The following SLC36A4 variants were observed in gnomAD, a reference collection of about 807,000 sequenced individuals.
The protein encoded by SLC36A4 is solute carrier family 36 member 4, also known as neutral amino acid uniporter 4.
SLC36A4 carries 49 observed loss-of-function variants against 50.5 expected under a neutral mutation model. The ratio of observed to expected loss-of-function variants is 0.97; its 90% confidence interval spans 0.77 to 1.23. The LOEUF (loss-of-function observed/expected upper bound fraction) is 1.23. SLC36A4 is among the 50% of genes most tolerant of loss of function. The pLI is 0.00. For synonymous variants in SLC36A4, 207 were observed against 206.5 expected, an observed-to-expected ratio of 1.00 and a Z score of -0.02; for missense variants, 611 against 608.4, an observed-to-expected ratio of 1.00 and a Z score of -0.05.
At chr11:93,156,581 G>C (rs1860376526) in intron 9 of SLC36A4, among the ~76,000 whole-genome samples, 1 of 151,692 alleles carries the variant, frequency 6.6e-6, no homozygotes, top group Non-Finnish European at 1.5e-5. Flanking sequence ...CACCACACCT[G>C]GCTAATTTTT....
chr11:93,173,939 T>C (rs964953428), intron 6 of SLC36A4, among the ~76,000 whole-genome samples: 30 of 143,918 alleles, frequency 2.1e-4, no homozygotes, highest in Non-Finnish European at 2.4e-4. Context: ...GGCTCTTTTT[T>C]GGTTCCATAT....
intron 9 of SLC36A4, among the ~76,000 whole-genome samples, chr11:93,158,221 C>G (rs924998861): frequency 6.6e-6 from 1 of 151,996 alleles, no homozygotes; most frequent in Non-Finnish European, 1.5e-5. Flanking sequence ...CACGTGTTTC[C>G]TATACTCTGA....
Position 93,197,869 on chromosome 11 carries a change from T to G in SLC36A4, c.-37A>C. The G allele has an allele frequency of 6.6e-7, 1 of 1,520,350 alleles. No individual in the cohort carries two copies. The highest frequency in any genetic ancestry group is 8.8e-7 in the Non-Finnish European group (1 of 1,140,440). The allele number at this position is 1,520,350 out of a possible 1,614,324, so 94.2% of individuals were successfully genotyped here. On this transcript the variant is annotated 5_prime_UTR_variant, in exon 1 of 11. Transcript: ENST00000326402. ...CTCCAGGACGCCGCCGCCCGAGTGCTCACTCTCCCGCCGCTGCGTGGCCGG... is the reference window on the plus strand; with the variant it reads ...CTCCAGGACGCCGCCGCCCGAGTGCGCACTCTCCCGCCGCTGCGTGGCCGG...
intron 8 of SLC36A4, among the ~76,000 whole-genome samples, chr11:93,165,369 C>T (rs1250832963): frequency 6.6e-6 from 1 of 152,076 alleles, no homozygotes; most frequent in East Asian, 1.9e-4. Flanking sequence ...TGGAGTCTCT[C>T]TTGGTATTAG....
intron 1 of SLC36A4, among the ~76,000 whole-genome samples, chr11:93,195,764 G>A (rs1175295065): frequency 6.6e-6 from 1 of 152,116 alleles, no homozygotes; most frequent in African/African-American, 2.4e-5. Context: ...TTTCTGCCTG[G>A]AGTAGTCGTT....
intron 1 of SLC36A4, among the ~76,000 whole-genome samples, chr11:93,190,659 T>G (rs1862178979): frequency 6.6e-6 from 1 of 152,200 alleles, no homozygotes; most frequent in East Asian, 1.9e-4. Context: ...ACATATTTAT[T>G]TACTATTTTG....
Position 93,154,234 on chromosome 11 carries a change from C to A in SLC36A4, c.1081G>T (p.Val361Leu). Residue 361 changes from valine (V) to leucine (L), a missense_variant, in exon 10 of 11, where the codon GTG (valine) becomes TTG (leucine). Coordinates refer to ENST00000326402, the MANE Select transcript of SLC36A4 (RefSeq NM_152313.4). ...ACATAGAACTGAATTGAATATGTCA[C>A]AAAAATGCCAAAGGAATATAGAATT... Reference protein sequence around the residue: ...VKILYSFGIFVTYSIQFYVPA... With the variant: ...VKILYSFGIFLTYSIQFYVPA... 1 of 1,490,940 alleles carries A rather than the reference C, an allele frequency of 6.7e-7. No individual in the cohort carries two copies. 92.4% of individuals were successfully genotyped at this position (1,490,940 alleles called of 1,614,324 possible). A position where few individuals can be genotyped will look rare whatever the true frequency, so the allele number is the denominator to read the frequency against.
chr11:93,168,172 C>G lies in SLC36A4; in HGVS notation c.541-1G>C. 1.9e-6 allele frequency: 3 copies of G among 1,581,408 alleles called. No homozygotes were observed. The highest frequency in any genetic ancestry group is 2.6e-6 in the Non-Finnish European group (3 of 1,159,658). On this transcript the variant is annotated splice_acceptor_variant, in intron 6 of 10. Coordinates refer to ENST00000326402, the MANE Select transcript of SLC36A4 (RefSeq NM_152313.4). LOFTEE classifies it high-confidence loss of function. ...TACTCTCCAGGAATCCTTCATGAAC[C>G]TACATAGGATTACCAGGAGAATAAA... is the stretch of plus-strand genomic sequence containing the variant.
At chr11:93,179,865 G>A (rs1485736243) in intron 6 of SLC36A4, among the ~76,000 whole-genome samples, 1 of 152,104 alleles carries the variant, frequency 6.6e-6, no homozygotes, top group African/African-American at 2.4e-5. Flanking sequence ...TTACAACAGA[G>A]ACCATATGGC....
chr11:93,181,136 T>C (rs1157669430), intron 5 of SLC36A4, among the ~76,000 whole-genome samples: 1 of 152,186 alleles, frequency 6.6e-6, no homozygotes, highest in South Asian at 2.1e-4. Context: ...TTACAACAGG[T>C]AGCACTTTGC....
chr11:93,184,770 T>C (rs985180613), intron 2 of SLC36A4, among the ~76,000 whole-genome samples: 1 of 152,168 alleles, frequency 6.6e-6, no homozygotes, highest in African/African-American at 2.4e-5. Flanking sequence ...AACAAGATAC[T>C]AAAAAATTAA....
intron 5 of SLC36A4, among the ~76,000 whole-genome samples, chr11:93,181,121 C>T (rs1861713609): frequency 6.6e-6 from 1 of 152,044 alleles, no homozygotes; most frequent in Admixed American, 6.6e-5. Flanking sequence ...TCTCACATGT[C>T]ATCTTTACAA....
chr11:93,176,652 A>G (rs1317094631), intron 6 of SLC36A4, among the ~76,000 whole-genome samples: 1 of 151,998 alleles, frequency 6.6e-6, no homozygotes, highest in Admixed American at 6.6e-5. Context: ...TGGTAGTGAC[A>G]AAATCTCTCA....
chr11:93,149,840 C>T (rs1002652547), intron 10 of SLC36A4, among the ~76,000 whole-genome samples: 4 of 151,918 alleles, frequency 2.6e-5, no homozygotes, highest in Non-Finnish European at 5.9e-5. Context: ...TGTATCCATG[C>T]TAATTTCTTG....
intron 10 of SLC36A4, chr11:93,153,825 G>C (rs751189548): frequency 1.2e-5 from 2 of 172,662 alleles, no homozygotes; most frequent in African/African-American, 4.7e-5. Flanking sequence ...AAATGGAAGG[G>C]GTCCCATGTA....
chr11:93,148,419 C>T lies in SLC36A4; in HGVS notation c.*118G>A, dbSNP rs1027296367. On this transcript the variant is annotated 3_prime_UTR_variant, in exon 11 of 11. Transcript: ENST00000326402. ...ATGATTACTTCCAAAATATTAATAT[C>T]GTGCCAAAGAAAACAGAGTTTGTTA... 9 of 891,696 alleles carry T rather than the reference C, an allele frequency of 1.0e-5. No homozygotes were observed. Among genetic ancestry groups the T allele is most frequent in the African/African-American group, 3.4e-5 (2 of 58,672 alleles). 55.2% of individuals were successfully genotyped at this position (891,696 alleles called of 1,614,324 possible). A position where few individuals can be genotyped will look rare whatever the true frequency, so the allele number is the denominator to read the frequency against.
chr11:93,158,739 C>T (rs1860478768), intron 9 of SLC36A4, among the ~76,000 whole-genome samples: 1 of 152,014 alleles, frequency 6.6e-6, no homozygotes, highest in African/African-American at 2.4e-5. Flanking sequence ...ACAACCTTTT[C>T]TTCATTTTGG....
intron 1 of SLC36A4, among the ~76,000 whole-genome samples, chr11:93,188,034 A>G (rs1862065103): frequency 6.6e-6 from 1 of 152,150 alleles, no homozygotes; most frequent in Admixed American, 6.5e-5. Context: ...TGCTTGATCC[A>G]GTTTCCTGCT....
chr11:93,182,701 G>T, intron 4 of SLC36A4, 105 bp downstream of exon 4: 2 of 684,326 alleles, frequency 2.9e-6, no homozygotes, highest in African/African-American at 1.9e-5. Flanking sequence ...ATTTATCTAC[G>T]TAAAAGCTTA....
Sources: allele counts gnomAD v4.1 joint callset (sites outside exome capture counted in the v4.1 genomes callset), GRCh38; gene constraint gnomAD v4.1.1; transcripts MANE v1.5; gene names NCBI Gene and HGNC (gene_info 2026-07-23, HGNC 2026-07-21).